The following FAM135A variants were observed in gnomAD, a reference collection of about 807,000 sequenced individuals.
The protein encoded by FAM135A is family with sequence similarity 135 member A, also known as protein FAM135A.
A neutral mutation model predicts 146.8 loss-of-function variants in FAM135A; 79 were observed. That is an observed-to-expected ratio of 0.54 (90% CI 0.45 to 0.65). The LOEUF is 0.65. Ranked by LOEUF, FAM135A falls within the 30% of genes least tolerant of loss-of-function variation. The pLI is 0.00. For missense variants in FAM135A, 1,623 were observed against 1,758.2 expected (o/e 0.92, Z 1.38); for synonymous variants, 562 against 603.6 (o/e 0.93, Z 1.01).
chr6:70,551,497 G>A (rs557506448), intron 20 of FAM135A, among the ~76,000 whole-genome samples: 12 of 152,166 alleles, frequency 7.9e-5, no homozygotes, highest in African/African-American at 2.7e-4. Context: ...TGTTGTTTCA[G>A]CTACTTGGGA....
intron 13 of FAM135A, 125 bp from the exon 14 acceptor site, chr6:70,523,841 TA>T (rs1794131246): frequency 1.2e-6 from 1 of 860,238 alleles, no homozygotes; most frequent in African/African-American, 1.8e-5. Flanking sequence ...AGCTCTCTCA[TA>T]AGAAGGTTAT....
chr6:70,414,107 CTT>C (rs981128656), intron 1 of FAM135A: 16 of 944,332 alleles, frequency 1.7e-5, no homozygotes, highest in Admixed American at 6.2e-5. Context: ...TCCCACGTGT[CTT>C]TTTGCCCGGG....
In FAM135A at chr6:70,524,771, A is replaced by T. The variant is rs1181106917; in HGVS notation, c.1687A>T (p.Thr563Ser). 1.3e-6 allele frequency: 2 copies of T among 1,550,142 alleles called. No individual in the cohort carries two copies. Residue 563 changes from threonine (T) to serine (S), a missense_variant, in exon 15 of 22, where the codon ACC (threonine) becomes TCC (serine). By Grantham distance (58) the Thr-to-Ser change is moderately conservative. This residue lies in a region of FAM135A where 1,061 missense variants were observed against 1,113.8 expected (regional missense o/e 0.95). Coordinates refer to ENST00000418814, the MANE Select transcript of FAM135A (RefSeq NM_001162529.3). ...ATGTGGATATAATTTTGACCCAAAG[A>T]CCTACATGAGACAGACAAGTCAAAA... The part of the protein sequence containing the change: ...TICGYNFDPK[T>S]YMRQTSQKEA...
At chr6:70,428,536 TA>T in intron 4 of FAM135A, 117 bp downstream of exon 4, 1 of 561,298 alleles carries the variant, frequency 1.8e-6, no homozygotes, top group South Asian at 4.4e-5. Flanking sequence ...TATATTCAAG[TA>T]ATTATTTTCT....
intron 9 of FAM135A, among the ~76,000 whole-genome samples, chr6:70,481,720 A>G (rs1217753204): frequency 1.3e-5 from 2 of 152,150 alleles, no homozygotes; most frequent in Non-Finnish European, 2.9e-5. Flanking sequence ...TAAAAGCTGA[A>G]TGTCTGTCCT....
At chr6:70,427,022 A>G (rs969619148) in intron 3 of FAM135A, among the ~76,000 whole-genome samples, 1 of 152,164 alleles carries the variant, frequency 6.6e-6, no homozygotes, top group Non-Finnish European at 1.5e-5. Flanking sequence ...GTGTAGAAAC[A>G]TGAGAGATTT....
intron 20 of FAM135A, among the ~76,000 whole-genome samples, chr6:70,541,335 T>C (rs930520671): frequency 3.9e-5 from 6 of 152,142 alleles, no homozygotes; most frequent in Non-Finnish European, 7.4e-5. Context: ...TTTTCACTTT[T>C]TTGGTTTCTG....
chr6:70,452,304 T>C (rs1562446861), intron 4 of FAM135A, among the ~76,000 whole-genome samples, 188 bp from the exon 5 acceptor site: 1 of 152,076 alleles, frequency 6.6e-6, no homozygotes, highest in African/African-American at 2.4e-5. Flanking sequence ...GTTTCTCTTT[T>C]GGTTTTATGC....
chr6:70,447,602 A>G (rs1375438789), intron 4 of FAM135A, among the ~76,000 whole-genome samples: 1 of 152,160 alleles, frequency 6.6e-6, no homozygotes, highest in Non-Finnish European at 1.5e-5. Flanking sequence ...GACATTGTAC[A>G]GGGGTGAGGG....
intron 4 of FAM135A, among the ~76,000 whole-genome samples, chr6:70,430,811 A>C (rs116380028): frequency 0.022 from 3,349 of 152,280 alleles, 123 homozygotes; most frequent in African/African-American, 0.076. Flanking sequence ...CCAACCCAGC[A>C]AGTTCTAGTT....
intron 4 of FAM135A, among the ~76,000 whole-genome samples, chr6:70,437,982 A>G (rs1773595794): frequency 6.6e-6 from 1 of 152,164 alleles, no homozygotes; most frequent in South Asian, 2.1e-4. Flanking sequence ...TATACCATAT[A>G]TTCATTTTTT....
chr6:70,468,356 C>T (rs1229743856), intron 5 of FAM135A, among the ~76,000 whole-genome samples: 2 of 152,148 alleles, frequency 1.3e-5, no homozygotes, highest in Admixed American at 6.5e-5. Flanking sequence ...ATATAATGGA[C>T]AGTGCAAAAG....
intron 21 of FAM135A, 65 bp downstream of exon 21, chr6:70,556,928 G>C (rs772309505): frequency 1.6e-6 from 2 of 1,233,408 alleles, no homozygotes; most frequent in African/African-American, 1.5e-5. Context: ...AATTTTTCTT[G>C]TAGTCACTTT....
At chr6:70,492,972 C>T (rs1398902069) in intron 11 of FAM135A, among the ~76,000 whole-genome samples, 1 of 151,922 alleles carries the variant, frequency 6.6e-6, no homozygotes, top group Admixed American at 6.6e-5. Context: ...ATCTGCACAG[C>T]AGTTTTTATT....
intron 20 of FAM135A, among the ~76,000 whole-genome samples, chr6:70,544,020 A>C (rs1798397467): frequency 6.6e-6 from 1 of 152,212 alleles, no homozygotes. Flanking sequence ...GGTCAATGAG[A>C]ATAGTAGTAT....
chr6:70,533,768 T>C lies in FAM135A; in HGVS notation c.3879T>C (p.Phe1293=). The C allele has an allele frequency of 1.3e-6, 2 of 1,582,712 alleles. No individual in the cohort carries two copies. Among genetic ancestry groups the C allele is most frequent in the Non-Finnish European group, 1.7e-6 (2 of 1,165,568 alleles). The change falls in exon 18 of 22, where the codon TTT becomes TTC. Residue 1293 remains phenylalanine (F), a synonymous_variant. Transcript: ENST00000418814. ...TGCTTTCTTTTTAGAATGATACTTT[T>C]GCTGATTTTGATAGCATGACTGATC... ...LMSERNQNDT[F]ADFDSMTDRL...
chr6:70,487,919 G>A (rs546220235), intron 10 of FAM135A, among the ~76,000 whole-genome samples: 17 of 152,256 alleles, frequency 1.1e-4, no homozygotes, highest in Non-Finnish European at 2.2e-4. Context: ...AAAACATAAT[G>A]AAGTTAGTTA....
At chr6:70,472,400 A>G (rs901503312) in intron 5 of FAM135A, among the ~76,000 whole-genome samples, 3 of 152,190 alleles carry the variant, frequency 2.0e-5, no homozygotes, top group Non-Finnish European at 4.4e-5. Context: ...AAAAGTTGCA[A>G]GTACATTATA....
intron 20 of FAM135A, among the ~76,000 whole-genome samples, chr6:70,548,302 T>A (rs996845927): frequency 2.0e-5 from 3 of 152,232 alleles, no homozygotes; most frequent in Admixed American, 6.5e-5. Context: ...TTAATACACT[T>A]TTTTTAAATA....
Sources: allele counts gnomAD v4.1 joint callset (sites outside exome capture counted in the v4.1 genomes callset), GRCh38; gene constraint gnomAD v4.1.1; regional missense constraint gnomAD v4.1.1; transcripts MANE v1.5; gene names NCBI Gene and HGNC (gene_info 2026-07-23, HGNC 2026-07-21).